NUDT9: variants seen among roughly 807,000 people sequenced by gnomAD.
The protein encoded by NUDT9 is nudix hydrolase 9.
A neutral mutation model predicts 41.0 loss-of-function variants in NUDT9; 31 were observed. That is an observed-to-expected ratio of 0.76 (90% CI 0.57 to 1.02). The LOEUF is 1.02. Among genes scored for constraint, NUDT9 ranks in the 50% least tolerant of loss-of-function variants. The pLI is 0.00. For synonymous variants in NUDT9, 146 were observed against 147.6 expected (o/e 0.99, Z 0.08); for missense variants, 380 against 431.4 (o/e 0.88, Z 1.06).
rs772780681 is a variant in NUDT9 at position 87,422,963 on chromosome 4, G to A, written c.58G>A (p.Ala20Thr). 3.7e-6 allele frequency: 6 copies of A among 1,613,246 alleles called. No homozygotes were observed. The highest frequency in any genetic ancestry group is 4.2e-6 in the Non-Finnish European group (5 of 1,179,776). The change falls in exon 1 of 8, where the codon GCC (alanine) becomes ACC (threonine). Residue 20 changes from alanine to threonine, a missense_variant. Coordinates refer to ENST00000302174, the MANE Select transcript of NUDT9 (RefSeq NM_024047.5). ...CGCGGTGTCTCTCTCTCTGGCCTTG[G>A]CCTCTGTGACTATCAGGTCCTCGCG... ...LAAVSLSLAL[A>T]SVTIRSSRCR...
intron 1 of NUDT9, among the ~76,000 whole-genome samples, chr4:87,426,661 G>A (rs559353362): frequency 6.7e-4 from 101 of 151,496 alleles, no homozygotes; most frequent in Middle Eastern, 3.4e-3. Flanking sequence ...CGCCTGCCTC[G>A]GCCTCCCAAA....
At chr4:87,455,658 CTTTTTTTTTTTTTTT>C (rs1053382581) in intron 7 of NUDT9, among the ~76,000 whole-genome samples, 2 of 130,426 alleles carry the variant, frequency 1.5e-5, no homozygotes, top group African/African-American at 2.8e-5. Context: ...TTTCTTTTTT[CTTTTTTTTTTTTTTT>C]AACCCCGAGA....
At chr4:87,438,994 C>T (rs1341534554) in intron 3 of NUDT9, among the ~76,000 whole-genome samples, 3 of 151,868 alleles carry the variant, frequency 2.0e-5, no homozygotes, top group African/African-American at 7.3e-5. Flanking sequence ...TGGAGAAACC[C>T]CATCTTTACT....
chr4:87,429,945 A>C (rs1032617633), intron 1 of NUDT9, among the ~76,000 whole-genome samples: 8 of 152,128 alleles, frequency 5.3e-5, no homozygotes, highest in Non-Finnish European at 1.5e-5. Context: ...ATGGCCCCCC[A>C]AGTATGTCCA....
intron 7 of NUDT9, among the ~76,000 whole-genome samples, chr4:87,456,018 A>C (rs140342640): frequency 7.4e-4 from 112 of 152,198 alleles, no homozygotes; most frequent in African/African-American, 2.6e-3. Context: ...TAAGGCAAAT[A>C]GTTCTTTAGC....
chr4:87,458,013 G>A lies in NUDT9; in HGVS notation c.1045G>A (p.Ala349Thr). ...WSEDSEADCH[A>T]L ...CGAGGACTCTGAAGCTGACTGCCAT[G>A]CGTTGTAGCTGATGGTCTCCGTGTA... Residue 349 changes from alanine (A) to threonine (T), a missense_variant, in exon 8 of 8, where the codon GCG becomes ACG. Transcript: ENST00000302174. 1 of 1,534,170 alleles carries A rather than the reference G, an allele frequency of 6.5e-7. No homozygotes were observed. The highest frequency in any genetic ancestry group is 8.7e-7 in the Non-Finnish European group (1 of 1,148,198).
chr4:87,422,916 G>A lies in NUDT9; in HGVS notation c.11G>A (p.Arg4His). Residue 4 changes from arginine to histidine, a missense_variant, in exon 1 of 8, where the codon CGC becomes CAC. Physicochemically the swap from Arg to His is conservative, Grantham distance 29. Coordinates refer to ENST00000302174, the MANE Select transcript of NUDT9 (RefSeq NM_024047.5). ...GCCCTCGGGGCGCTCATGGCGGGAC[G>A]CCTCCTGGGAAAGGCTTTAGCCGCG... Reference protein sequence around the residue: MAGRLLGKALAAVS... With the variant: MAGHLLGKALAAVS... 6.2e-7 allele frequency: 1 copy of A among 1,610,072 alleles called. No homozygotes were observed. Among genetic ancestry groups the A allele is most frequent in the African/African-American group, 1.3e-5 (1 of 74,962 alleles).
At chr4:87,447,126 G>T (rs1459746157) in intron 4 of NUDT9, among the ~76,000 whole-genome samples, 1 of 152,138 alleles carries the variant, frequency 6.6e-6, no homozygotes, top group Non-Finnish European at 1.5e-5. Flanking sequence ...GATGCCCATG[G>T]TGCTAGACCC....
rs763891583 is a variant in NUDT9, at chr4:87,435,102, C to T, written c.229C>T (p.Arg77Ter). ...TSPYPGSKVE[R>*]SQVPNEKVGW... ...TCCTTACCCAGGTTCAAAAGTTGAA[C>T]GAAGCCAGGTTCCTAATGAGAAAGT... Residue 77 changes from arginine to a stop codon, truncating the protein, a stop_gained, in exon 2 of 8, where the codon CGA becomes TGA. Transcript: ENST00000302174. LOFTEE classifies it high-confidence loss of function. 12 of 1,614,028 alleles carry T rather than the reference C, an allele frequency of 7.4e-6. No homozygotes were observed. The highest frequency in any genetic ancestry group is 6.7e-5 in the African/African-American group (5 of 74,904).
At position 87,454,411 on chromosome 4, in the gene NUDT9, A is replaced by G. The variant is rs1317641178; in HGVS notation, c.830A>G (p.Asn277Ser). The G allele has an allele frequency of 1.2e-6, 2 of 1,612,018 alleles. No individual in the cohort carries two copies. The highest frequency in any genetic ancestry group is 2.2e-5 in the East Asian group (1 of 44,850). ...GYVDDPRNTD[N>S]AWMETEAVNY... ...GTTGATGATCCTCGAAACACTGATA[A>G]TGCATGGATGGAGACAGAAGCTGTG... Residue 277 changes from asparagine to serine, a missense_variant, in exon 7 of 8, where the codon AAT (asparagine) becomes AGT (serine). Transcript: ENST00000302174.
At chr4:87,433,710 T>C (rs1019382560) in intron 1 of NUDT9, among the ~76,000 whole-genome samples, 4 of 152,228 alleles carry the variant, frequency 2.6e-5, no homozygotes, top group African/African-American at 9.6e-5. Flanking sequence ...TAATTAGAAG[T>C]CATTTAACTT....
intron 1 of NUDT9, among the ~76,000 whole-genome samples, chr4:87,433,793 TTTGCATA>T (rs1157725898): frequency 6.6e-6 from 1 of 152,222 alleles, no homozygotes; most frequent in Non-Finnish European, 1.5e-5. Context: ...TGGTTTTTCT[TTTGCATA>T]TGCTATCCAG....
rs1452473761 is a variant in NUDT9, at chr4:87,435,235, C to T, written c.347+15C>T. On this transcript the variant is annotated intron_variant, in intron 2 of 7. Coordinates refer to ENST00000302174, the MANE Select transcript of NUDT9 (RefSeq NM_024047.5). ...CCTCAGATCAGGTGAGCAAATAAGA[C>T]AGCGTTAGCTGGGAATAAGACTTTT... The T allele has an allele frequency of 2.5e-6, 4 of 1,599,008 alleles. No homozygotes were observed. Among genetic ancestry groups the T allele is most frequent in the East Asian group, 4.5e-5 (2 of 44,658 alleles).
chr4:87,446,956 C>T (rs1722488694), intron 4 of NUDT9, among the ~76,000 whole-genome samples: 1 of 152,196 alleles, frequency 6.6e-6, no homozygotes, highest in African/African-American at 2.4e-5. Flanking sequence ...TCCAGACCAA[C>T]ATACATGCTT....
chr4:87,444,606 A>G (rs1171951757), intron 4 of NUDT9, among the ~76,000 whole-genome samples: 1 of 152,260 alleles, frequency 6.6e-6, no homozygotes, highest in Non-Finnish European at 1.5e-5. Flanking sequence ...ACAGGAAGGT[A>G]TGAAATGTTT....
At chr4:87,429,238 A>G (rs535045206) in intron 1 of NUDT9, among the ~76,000 whole-genome samples, 30 of 152,008 alleles carry the variant, frequency 2.0e-4, no homozygotes, top group Middle Eastern at 3.2e-3. Context: ...TGCAGCCTTG[A>G]CCTCCTGGAC....
At chr4:87,448,478 G>C (rs1722564623) in intron 4 of NUDT9, among the ~76,000 whole-genome samples, 1 of 151,618 alleles carries the variant, frequency 6.6e-6, no homozygotes, top group South Asian at 2.1e-4. Flanking sequence ...TTCACTACCA[G>C]TAATTTTTTT....
At chr4:87,425,732 G>C in intron 1 of NUDT9, among the ~76,000 whole-genome samples, 1 of 121,098 alleles carries the variant, frequency 8.3e-6, no homozygotes, top group Non-Finnish European at 1.8e-5. Flanking sequence ...AAAAAAAAAA[G>C]AATTTTACCA....
At chr4:87,445,195 T>A (rs531410577) in intron 4 of NUDT9, 1 of 152,220 alleles carries the variant, frequency 6.6e-6, no homozygotes, top group Non-Finnish European at 1.5e-5. Context: ...TCACTGGGGT[T>A]AAGTTACTTG....
Sources: allele counts gnomAD v4.1 joint callset (sites outside exome capture counted in the v4.1 genomes callset), GRCh38; gene constraint gnomAD v4.1.1; transcripts MANE v1.5; gene names NCBI Gene and HGNC (gene_info 2026-07-23, HGNC 2026-07-21).